The following INPP5A variants were observed in gnomAD, a reference collection of about 807,000 sequenced individuals.
The protein encoded by INPP5A is 43 kDa inositol polyphosphate 5-phophatase.
A neutral mutation model predicts 65.2 loss-of-function variants in INPP5A; 14 were observed. That is an observed-to-expected ratio of 0.21 (90% CI 0.14 to 0.34). INPP5A has a LOEUF of 0.34. INPP5A is among the 10% of genes least tolerant of loss of function. The pLI is 1.00. For synonymous variants in INPP5A, 207 were observed against 208.3 expected, an observed-to-expected ratio of 0.99 and a Z score of 0.05; for missense variants, 431 against 545.6, an observed-to-expected ratio of 0.79 and a Z score of 2.09.
intron 2 of INPP5A, among the ~76,000 whole-genome samples, chr10:132,636,503 G>A (rs532245207): frequency 6.6e-6 from 1 of 152,176 alleles, no homozygotes; most frequent in Non-Finnish European, 1.5e-5. Context: ...TCAGCAAACT[G>A]CACTCCCTCC....
intron 2 of INPP5A, among the ~76,000 whole-genome samples, chr10:132,640,378 C>G (rs1477619018): frequency 6.6e-6 from 1 of 152,228 alleles, no homozygotes; most frequent in Admixed American, 6.5e-5. Context: ...CCTAGCTCTT[C>G]CCTCCAGGGT....
chr10:132,671,307 G>A lies in INPP5A; in HGVS notation c.307-19085G>A, dbSNP rs2072886744. Reference sequence around the variant, plus strand: ...GGAGTGGAGAGTTCAAACGTGGGCTGCGGCGAGGCTTGTGCCCTCCCTGCT... The same window carrying A: ...GGAGTGGAGAGTTCAAACGTGGGCTACGGCGAGGCTTGTGCCCTCCCTGCT... On this transcript the variant is annotated intron_variant, in intron 4 of 15. Transcript: ENST00000368594. Among the ~76,000 whole-genome samples, 2 of 136,228 alleles carry A rather than the reference G, an allele frequency of 1.5e-5. 1 individual carries two copies. Among genetic ancestry groups the A allele is most frequent in the African/African-American group, 5.2e-5 (2 of 38,748 alleles). The allele number at this position is 136,228 out of a possible 152,430, so 89.4% of individuals were successfully genotyped here.
intron 11 of INPP5A, among the ~76,000 whole-genome samples, chr10:132,765,375 C>T (rs549385622): frequency 1.6e-4 from 25 of 152,344 alleles, no homozygotes; most frequent in African/African-American, 6.0e-4. Context: ...TGACATTGCT[C>T]ACTCTGCAGG....
At chr10:132,636,751 G>A (rs2072357959) in intron 2 of INPP5A, among the ~76,000 whole-genome samples, 1 of 152,154 alleles carries the variant, frequency 6.6e-6, no homozygotes, top group South Asian at 2.1e-4. Flanking sequence ...GTTGAAAACT[G>A]TTTTGTATAG....
At chr10:132,692,208 G>A (rs1487759848) in intron 5 of INPP5A, among the ~76,000 whole-genome samples, 3 of 152,166 alleles carry the variant, frequency 2.0e-5, no homozygotes, top group Non-Finnish European at 2.9e-5. Context: ...AAGAATCAGC[G>A]AGCTGGAAGG....
intron 1 of INPP5A, among the ~76,000 whole-genome samples, 184 bp from the exon 2 acceptor site, chr10:132,607,713 GCACAGAGCGGAGCCCCCA>G (rs2071876581): frequency 6.6e-6 from 1 of 152,354 alleles, no homozygotes; most frequent in East Asian, 1.9e-4. Context: ...CCCTGGGACA[GCACAGAGCGGAGCCCCCA>G]CACAGAGCGG....
At position 132,782,874 on chromosome 10, in the gene INPP5A, G is replaced by A. The variant is rs1452058516; in HGVS notation, c.*845G>A. On this transcript the variant is annotated 3_prime_UTR_variant, in exon 16 of 16. Transcript: ENST00000368594. The surrounding 1 kb of genome is among the most constrained non-coding windows in gnomAD (Gnocchi z 4.4). Reference sequence around the variant, plus strand: ...CTGTGTAATATTAAGAACTGAATGTGAAGTTTATAGCTAGCCTGGGTGTAC... The same window carrying A: ...CTGTGTAATATTAAGAACTGAATGTAAAGTTTATAGCTAGCCTGGGTGTAC... 1 of 152,362 alleles carries A rather than the reference G, an allele frequency of 6.6e-6. No individual in the cohort carries two copies. The highest frequency in any genetic ancestry group is 1.5e-5 in the Non-Finnish European group (1 of 68,032). The allele number at this position is 152,362 out of a possible 1,614,324, so 9.4% of individuals were successfully genotyped here.
intron 1 of INPP5A, among the ~76,000 whole-genome samples, chr10:132,581,088 C>T (rs572522178): frequency 1.7e-4 from 26 of 152,302 alleles, no homozygotes; most frequent in Non-Finnish European, 2.6e-4. Context: ...CACGTAGCTT[C>T]GCCTGTCGGA....
chr10:132,714,169 C>A (rs1313472151), intron 8 of INPP5A, among the ~76,000 whole-genome samples: 1 of 152,202 alleles, frequency 6.6e-6, no homozygotes. Context: ...GGCTCCGCGG[C>A]CTCAAGAAAG....
rs1382428473 is a variant in INPP5A, at chr10:132,644,983, C to T, written c.118-885C>T. 6.6e-6 allele frequency among the ~76,000 whole-genome samples: 1 copy of T among 152,046 alleles called. No homozygotes were observed. Among genetic ancestry groups the T allele is most frequent in the African/African-American group, 2.4e-5 (1 of 41,396 alleles). ...GACGGGGACCTGGAAGGAGGGGAGG[C>T]CATGTCGATACTGCATCCGCTCTCT... On this transcript the variant is annotated intron_variant, in intron 2 of 15. Transcript: ENST00000368594. The surrounding 1 kb of genome is among the most constrained non-coding windows in gnomAD (Gnocchi z 6.5).
intron 4 of INPP5A, among the ~76,000 whole-genome samples, chr10:132,689,598 G>C (rs1457824372): frequency 6.6e-6 from 1 of 152,286 alleles, no homozygotes; most frequent in East Asian, 1.9e-4. Context: ...CCCCGTGTTG[G>C]GGTTGCCAGA....
rs766523530 is a variant in INPP5A at position 132,627,397 on chromosome 10, C to T, written c.118-18471C>T. On this transcript the variant is annotated intron_variant, in intron 2 of 15. Coordinates refer to ENST00000368594, the MANE Select transcript of INPP5A (RefSeq NM_005539.5). The surrounding 1 kb of genome is among the most constrained non-coding windows in gnomAD (Gnocchi z 6.6). ...CTGTCCTGAGAGGGTCTGTCCTGGC[C>T]GCTGAGCAGGTGGGTCTGGAGGGCG... Among the ~76,000 whole-genome samples the T allele has an allele frequency of 1.2e-4, 18 of 152,056 alleles. No homozygotes were observed. Among genetic ancestry groups the T allele is most frequent in the Non-Finnish European group, 2.2e-4 (15 of 67,998 alleles).
chr10:132,648,479 C>T (rs569972414), intron 3 of INPP5A, among the ~76,000 whole-genome samples: 115 of 152,382 alleles, frequency 7.5e-4, no homozygotes, highest in African/African-American at 2.7e-3. Context: ...GTGCCCTCCG[C>T]CCTTTTGTGT....
chr10:132,599,428 T>C (rs2071748893), intron 1 of INPP5A, among the ~76,000 whole-genome samples: 2 of 152,230 alleles, frequency 1.3e-5, no homozygotes. Context: ...GTCACACTGT[T>C]GCAAGAGGTG....
At chr10:132,720,876 G>C (rs1194037184) in intron 8 of INPP5A, among the ~76,000 whole-genome samples, 3 of 150,702 alleles carry the variant, frequency 2.0e-5, no homozygotes, top group African/African-American at 7.3e-5. Flanking sequence ...AGGGATCTGT[G>C]GTACCTGGGT....
chr10:132,610,042 G>A (rs1590865717), intron 2 of INPP5A, among the ~76,000 whole-genome samples: 2 of 152,344 alleles, frequency 1.3e-5, no homozygotes, highest in African/African-American at 2.4e-5. Context: ...TTTAGGAGAC[G>A]TTTACAGTGG....
chr10:132,610,319 G>A (rs968028812), intron 2 of INPP5A, among the ~76,000 whole-genome samples: 1 of 152,166 alleles, frequency 6.6e-6, no homozygotes, highest in Non-Finnish European at 1.5e-5. Context: ...CCGAATCCTG[G>A]GTCCCCTCTG....
In INPP5A at chr10:132,765,821, G is replaced by T; in HGVS notation, c.952G>T (p.Glu318Ter). The change falls in exon 12 of 16, where the codon GAA becomes TAA. Residue 318 changes from glutamate (E) to a stop codon, truncating the protein, a stop_gained. Transcript: ENST00000368594. LOFTEE classifies it high-confidence loss of function. Reference protein sequence around the residue: ...ELSVFKDRLYELDISFPPSYP... With the variant: ...ELSVFKDRLY ...GTCTGTCTTTAAGGACAGACTGTAT[G>T]AACTGGACATCTCGTTCCCTCCCAG... 1 of 1,605,432 alleles carries T rather than the reference G, an allele frequency of 6.2e-7. No individual in the cohort carries two copies. Among genetic ancestry groups the T allele is most frequent in the South Asian group, 1.1e-5 (1 of 90,880 alleles).
Position 132,777,268 on chromosome 10 carries a change from C to T in INPP5A, c.978-403C>T, listed in dbSNP as rs1258574371. On this transcript the variant is annotated intron_variant, in intron 12 of 15. Transcript: ENST00000368594. The stretch of plus-strand genomic sequence containing the variant: ...CCCCAGAGCTGCCTGCACTTACAGG[C>T]GTTTCGAGCTGATCCGGGCCAGGTC... Among the ~76,000 whole-genome samples the T allele has an allele frequency of 2.6e-5, 4 of 152,324 alleles. No homozygotes were observed. In the South Asian group the frequency reaches 6.2e-4, roughly 24 times the overall value.
Sources: allele counts gnomAD v4.1 joint callset (sites outside exome capture counted in the v4.1 genomes callset), GRCh38; gene constraint gnomAD v4.1.1; non-coding constraint Gnocchi (gnomAD v3.1); transcripts MANE v1.5; gene names NCBI Gene and HGNC (gene_info 2026-07-23, HGNC 2026-07-21).